The following PLCB1 variants were observed in gnomAD, a reference collection of about 807,000 sequenced individuals.
PLCB1 encodes phospholipase C beta 1, also known as 1-phosphatidylinositol 4,5-bisphosphate phosphodiesterase beta-1.
A neutral mutation model predicts 161.8 loss-of-function variants in PLCB1; 46 were observed. That is an observed-to-expected ratio of 0.28 (90% confidence interval 0.22 to 0.36). PLCB1 has a LOEUF of 0.36. Among genes scored for constraint, PLCB1 ranks in the 10% least tolerant of loss-of-function variants. PLCB1 has a pLI of 1.00. For missense variants in PLCB1, 1,016 were observed against 1,472.5 expected (o/e 0.69, Z 5.07); for synonymous variants, 517 against 503.7 (o/e 1.03, Z -0.35).
At chr20:8,291,073 G>T (rs969329892) in intron 2 of PLCB1, among the ~76,000 whole-genome samples, 5 of 150,788 alleles carry the variant, frequency 3.3e-5, no homozygotes, top group African/African-American at 1.2e-4. Context: ...GAAAAGAAAT[G>T]CCCCATCAAA....
intron 31 of PLCB1, among the ~76,000 whole-genome samples, chr20:8,795,395 CTTA>C (rs1212632318): frequency 2.0e-5 from 3 of 152,138 alleles, no homozygotes; most frequent in South Asian, 4.1e-4. Context: ...CCCATGGAAA[CTTA>C]TTATGTTATA....
intron 3 of PLCB1, among the ~76,000 whole-genome samples, chr20:8,611,361 T>C (rs1361725918): frequency 6.6e-6 from 1 of 152,116 alleles, no homozygotes; most frequent in African/African-American, 2.4e-5. Context: ...GTTGAAAAAT[T>C]CTTAAGTAAG....
At chr20:8,563,940 A>G (rs1401014118) in intron 3 of PLCB1, among the ~76,000 whole-genome samples, 2 of 152,188 alleles carry the variant, frequency 1.3e-5, no homozygotes, top group Non-Finnish European at 2.9e-5. Flanking sequence ...TTTTAGATTC[A>G]ATGCTATCCC....
chr20:8,701,078 GCA>G (rs1990692470), intron 11 of PLCB1, among the ~76,000 whole-genome samples: 2 of 152,294 alleles, frequency 1.3e-5, no homozygotes, highest in South Asian at 4.1e-4. Context: ...TTTAAATTTT[GCA>G]CATAGTCGCC....
intron 9 of PLCB1, among the ~76,000 whole-genome samples, chr20:8,660,003 A>AAG (rs1015917389): frequency 2.6e-5 from 4 of 151,602 alleles, no homozygotes; most frequent in African/African-American, 9.7e-5. Context: ...AAAAAAAAAA[A>AAG]AAAAAGAAGA....
At chr20:8,739,934 G>T (rs988603171) in intron 21 of PLCB1, among the ~76,000 whole-genome samples, 1 of 152,186 alleles carries the variant, frequency 6.6e-6, no homozygotes, top group African/African-American at 2.4e-5. Flanking sequence ...GGAGGCTGAG[G>T]CAGGAGGATC....
chr20:8,856,888 G>A (rs545522409), intron 31 of PLCB1, among the ~76,000 whole-genome samples: 53 of 152,248 alleles, frequency 3.5e-4, no homozygotes, highest in African/African-American at 1.2e-3. Context: ...AAAACTCAGG[G>A]GCCTAAAACA....
chr20:8,729,879 G>A (rs896178919), intron 18 of PLCB1: 3 of 151,872 alleles, frequency 2.0e-5, no homozygotes, highest in African/African-American at 4.8e-5. Context: ...TTAATATGAC[G>A]TGGCCTCTCA....
intron 3 of PLCB1, among the ~76,000 whole-genome samples, chr20:8,422,309 C>T (rs1038183181): frequency 1.3e-5 from 2 of 152,156 alleles, no homozygotes; most frequent in African/African-American, 4.8e-5. Flanking sequence ...TGCAGCTTGG[C>T]TTTCAAATAT....
At chr20:8,395,698 T>C (rs1987750688) in intron 3 of PLCB1, among the ~76,000 whole-genome samples, 1 of 152,010 alleles carries the variant, frequency 6.6e-6, no homozygotes. Context: ...ATTTTATGCT[T>C]AGCTGCTCAA....
At chr20:8,657,133 A>G (rs778897834) in intron 7 of PLCB1, 51 bp from the exon 8 acceptor site, 8 of 981,512 alleles carry the variant, frequency 8.2e-6, no homozygotes, top group Non-Finnish European at 1.3e-5. Context: ...GGAGGGAGGA[A>G]GCTGGGGAAG....
At chr20:8,140,889 C>T (rs1239372110) in intron 1 of PLCB1, among the ~76,000 whole-genome samples, 1 of 151,992 alleles carries the variant, frequency 6.6e-6, no homozygotes, top group Admixed American at 6.5e-5. Context: ...ACCTCTGCCT[C>T]CCCGGTTCAA....
At chr20:8,381,465 G>A (rs1987251956) in intron 3 of PLCB1, among the ~76,000 whole-genome samples, 1 of 152,192 alleles carries the variant, frequency 6.6e-6, no homozygotes, top group Non-Finnish European at 1.5e-5. Context: ...CATGAAATGA[G>A]TTAGGGAGGA....
chr20:8,318,456 C>G (rs1600310431), intron 2 of PLCB1, among the ~76,000 whole-genome samples: 1 of 150,924 alleles, frequency 6.6e-6, no homozygotes. Flanking sequence ...TGCCCCCCCC[C>G]TTTTTCTTTG....
chr20:8,295,867 G>A lies in PLCB1; in HGVS notation c.178-75515G>A, dbSNP rs148769901. On this transcript the variant is annotated intron_variant, in intron 2 of 31. Coordinates refer to ENST00000338037, the MANE Select transcript of PLCB1 (RefSeq NM_015192.4). The stretch of plus-strand genomic sequence containing the variant: ...TGGGACTACAGTTGCACACCACCAC[G>A]CCTGGCTGATTTTTTTCTATTTTTT... 2.1e-4 allele frequency among the ~76,000 whole-genome samples: 32 copies of A among 151,938 alleles called. 1 individual carries two copies. In the East Asian group the frequency reaches 5.2e-3, roughly 25 times the overall value.
intron 3 of PLCB1, among the ~76,000 whole-genome samples, chr20:8,515,072 A>G (rs1021167444): frequency 1.3e-5 from 2 of 152,204 alleles, no homozygotes; most frequent in Middle Eastern, 3.2e-3. Context: ...AAAAACAAAA[A>G]CAAAGGAACA....
chr20:8,578,046 A>C (rs1986729390), intron 3 of PLCB1, among the ~76,000 whole-genome samples: 2 of 152,192 alleles, frequency 1.3e-5, no homozygotes, highest in Non-Finnish European at 2.9e-5. Context: ...AAAACTTACT[A>C]GCAATTAACT....
At chr20:8,723,537 A>G (rs1979762931) in intron 15 of PLCB1, among the ~76,000 whole-genome samples, 1 of 152,198 alleles carries the variant, frequency 6.6e-6, no homozygotes, top group Admixed American at 6.6e-5. Flanking sequence ...AACTCTATCA[A>G]AGTAATATGT....
intron 2 of PLCB1, among the ~76,000 whole-genome samples, chr20:8,232,016 C>T (rs1229543708): frequency 2.6e-5 from 4 of 152,134 alleles, no homozygotes; most frequent in Non-Finnish European, 5.9e-5. Context: ...GCTGTCAACA[C>T]ATGGTTTCAG....
Sources: gnomAD v4.1 joint callset for allele counts (sites outside exome capture counted in the v4.1 genomes callset) on GRCh38, gnomAD v4.1.1 for gene constraint, MANE v1.5 for transcripts, NCBI Gene and HGNC (gene_info 2026-07-23, HGNC 2026-07-21) for gene names.